Variants in MFSD11 observed in about 807,000 individuals in gnomAD.
MFSD11 encodes UNC93-like protein MFSD11.
Under a neutral mutation model 53.5 loss-of-function variants are expected in MFSD11, and 36 were observed. The observed-to-expected ratio is 0.67, with a 90% CI of 0.52 to 0.89. MFSD11 has a LOEUF of 0.89. Ranked by LOEUF, MFSD11 falls within the 40% of genes least tolerant of loss-of-function variation. The pLI is 0.00. For missense variants in MFSD11, 530 were observed against 543.9 expected, an observed-to-expected ratio of 0.97 and a Z score of 0.25; for synonymous variants, 186 against 184.9, an observed-to-expected ratio of 1.01 and a Z score of -0.05.
At chr17:76,752,257 A>G (rs2079115609) in intron 7 of MFSD11, among the ~76,000 whole-genome samples, 1 of 152,134 alleles carries the variant, frequency 6.6e-6, no homozygotes, top group South Asian at 2.1e-4. Flanking sequence ...TAGGATGTAC[A>G]ATGATCTAAT....
At position 76,767,423 on chromosome 17, in the gene MFSD11, CCTT is replaced by C. The variant is rs752154629; in HGVS notation, c.724_726del (p.Leu242del). 4.1e-5 allele frequency: 65 copies of C among 1,602,692 alleles called. No homozygotes were observed. The highest frequency in any genetic ancestry group is 4.9e-5 in the Non-Finnish European group (57 of 1,170,760). On this transcript the variant is annotated inframe_deletion, in exon 9 of 13. Coordinates refer to ENST00000685175, the MANE Select transcript of MFSD11 (RefSeq NM_001242532.5). Reference sequence around the variant, plus strand: ...AGTTATGTGTCACCAAGGAGATGCTCCTTCTTAGTATTACAACTGCTTATACAG... The same window carrying C: ...AGTTATGTGTCACCAAGGAGATGCTCCTTAGTATTACAACTGCTTATACAG...
intron 8 of MFSD11, among the ~76,000 whole-genome samples, chr17:76,756,861 G>GA (rs912586788): frequency 0.032 from 3,256 of 100,498 alleles, 69 homozygotes; most frequent in South Asian, 0.15. Flanking sequence ...CTCCATCTCA[G>GA]AAAAAAAAAA....
chr17:76,799,120 CT>C, the MFSD11 span: 1 of 150,632 alleles, frequency 6.6e-6, no homozygotes, highest in South Asian at 2.1e-4. Flanking sequence ...ACATTTAAAA[CT>C]TAGGGAACTC....
chr17:76,787,780 CG>C, the MFSD11 span, among the ~76,000 whole-genome samples: 14,401 of 149,322 alleles, frequency 0.096, 2,650 homozygotes, highest in African/African-American at 0.33. Context: ...CAGCCATGAC[CG>C]GGGAAAAAAG....
chr17:76,768,814 G>T (rs55837357), intron 9 of MFSD11, among the ~76,000 whole-genome samples: 2 of 151,734 alleles, frequency 1.3e-5, no homozygotes, highest in African/African-American at 2.4e-5. Context: ...GTGAAACCCC[G>T]TCTCTACTAA....
downstream of MFSD11, among the ~76,000 whole-genome samples, chr17:76,780,149 A>C (rs560530163): frequency 2.3e-3 from 349 of 152,304 alleles, no homozygotes; most frequent in Non-Finnish European, 4.3e-3. Flanking sequence ...GTACATTCAC[A>C]AGGTTGCATA....
In MFSD11 at chr17:76,769,775, T is replaced by C; in HGVS notation, c.778T>C (p.Tyr260His). ...GGAATTAACTTTCTTCTCTGGTGTA[T>C]ATGGAACCTGTATTGGTGCTACAAA... ...GLELTFFSGV[Y>H]GTCIGATNKF... The change falls in exon 10 of 13, where the codon TAT (tyrosine) becomes CAT (histidine). Residue 260 changes from tyrosine (Y) to histidine (H), a missense_variant. Transcript: ENST00000685175. 1 of 1,610,498 alleles carries C rather than the reference T, an allele frequency of 6.2e-7. No individual in the cohort carries two copies. Among genetic ancestry groups the C allele is most frequent in the South Asian group, 1.1e-5 (1 of 90,290 alleles).
At chr17:76,746,978 G>C (rs549403083) in intron 7 of MFSD11, among the ~76,000 whole-genome samples, 10 of 150,996 alleles carry the variant, frequency 6.6e-5, no homozygotes, top group African/African-American at 2.5e-4. Flanking sequence ...GCGGGATCTC[G>C]GCTCACTGCA....
chr17:76,746,419 A>G (rs1463083508), intron 7 of MFSD11, among the ~76,000 whole-genome samples: 1 of 152,240 alleles, frequency 6.6e-6, no homozygotes, highest in East Asian at 1.9e-4. Flanking sequence ...GGCCATTATA[A>G]TTGACAAACG....
intron 7 of MFSD11, among the ~76,000 whole-genome samples, chr17:76,752,145 T>C (rs984095320): frequency 6.6e-6 from 1 of 152,228 alleles, no homozygotes; most frequent in East Asian, 1.9e-4. Flanking sequence ...CTCAGTATTA[T>C]AGCTCAGGCG....
chr17:76,784,184 C>T (rs1598822182), downstream of MFSD11, among the ~76,000 whole-genome samples: 1 of 152,140 alleles, frequency 6.6e-6, no homozygotes, highest in Admixed American at 6.6e-5. Flanking sequence ...ATATTCATAG[C>T]TGCATTATTC....
chr17:76,792,226 C>A, the MFSD11 span, among the ~76,000 whole-genome samples: 1 of 131,844 alleles, frequency 7.6e-6, no homozygotes, highest in Non-Finnish European at 1.7e-5. Flanking sequence ...TCAAGCAATT[C>A]TCCTGCCTCA....
intron 7 of MFSD11, among the ~76,000 whole-genome samples, chr17:76,745,785 C>T (rs2078480326): frequency 6.6e-6 from 1 of 151,060 alleles, no homozygotes; most frequent in African/African-American, 2.4e-5. Flanking sequence ...GAAAGGAAGA[C>T]ATGCATGTCT....
At chr17:76,777,111 C>CA (rs1005633764) in intron 12 of MFSD11, among the ~76,000 whole-genome samples, 12 of 151,858 alleles carry the variant, frequency 7.9e-5, no homozygotes, top group African/African-American at 2.7e-4. Flanking sequence ...ACTAAAAATA[C>CA]AAAAAAATTA....
chr17:76,755,758 G>GTGTATATGTA (rs2079506858), intron 8 of MFSD11, among the ~76,000 whole-genome samples: 2 of 104,264 alleles, frequency 1.9e-5, no homozygotes, highest in African/African-American at 3.3e-5. Context: ...ATGTGTATAT[G>GTGTATATGTA]TATATATGTA....
At chr17:76,774,966 T>G in intron 10 of MFSD11, 31 bp from the exon 11 acceptor site, 1 of 1,603,772 alleles carries the variant, frequency 6.2e-7, no homozygotes, top group African/African-American at 1.3e-5. Context: ...TTCGGCAACA[T>G]TAGTGACGTT....
intron 11 of MFSD11, 136 bp downstream of exon 11, chr17:76,775,307 A>C: frequency 1.5e-6 from 1 of 664,156 alleles, no homozygotes; most frequent in South Asian, 2.5e-5. Flanking sequence ...GTGTTCATGG[A>C]GTCAGACTGA....
chr17:76,750,926 C>T (rs965246249), intron 7 of MFSD11, among the ~76,000 whole-genome samples: 1 of 151,388 alleles, frequency 6.6e-6, no homozygotes, highest in African/African-American at 2.4e-5. Flanking sequence ...GCCTCGGCCT[C>T]CCAAGTAGCT....
chr17:76,742,296 G>A (rs754227452), intron 5 of MFSD11, 23 bp downstream of exon 5: 24 of 1,583,378 alleles, frequency 1.5e-5, no homozygotes, highest in Non-Finnish European at 2.6e-6. Flanking sequence ...TTGAGGTTCA[G>A]TCTTTCCTTT....
Sources: allele counts gnomAD v4.1 joint callset (sites outside exome capture counted in the v4.1 genomes callset), GRCh38; gene constraint gnomAD v4.1.1; transcripts MANE v1.5; gene names NCBI Gene and HGNC (gene_info 2026-07-23, HGNC 2026-07-21).